The following KCNJ5 variants were observed in gnomAD, a reference collection of about 807,000 sequenced individuals.
KCNJ5 encodes the protein potassium inwardly rectifying channel subfamily J member 5.
In KCNJ5, 12 loss-of-function variants were observed where a neutral mutation model predicts 20.2. That is an observed-to-expected ratio of 0.59 (90% confidence interval 0.38 to 0.96). KCNJ5 has a LOEUF of 0.96. Among genes scored for constraint, KCNJ5 ranks in the 40% least tolerant of loss-of-function variants. The pLI, the probability that KCNJ5 is intolerant of heterozygous loss-of-function variation, is 0.00. For missense variants in KCNJ5, 449 were observed against 557.6 expected (o/e 0.81, Z 1.96); for synonymous variants, 210 against 213.9 (o/e 0.98, Z 0.16).
intron 2 of KCNJ5, among the ~76,000 whole-genome samples, chr11:128,912,579 C>T (rs907550639): frequency 3.3e-5 from 5 of 152,140 alleles, no homozygotes; most frequent in Admixed American, 6.5e-5. Context: ...GGCCCGATCT[C>T]GGCTCACTGC....
In KCNJ5 at chr11:128,918,639, G is replaced by A. The variant is rs1421157569; in HGVS notation, c.*1908G>A. On this transcript the variant is annotated 3_prime_UTR_variant, in exon 3 of 3. Coordinates refer to ENST00000529694, the MANE Select transcript of KCNJ5 (RefSeq NM_000890.5). ...GAGGAGCAGAGCCACAGAGAGGTAG[G>A]AAGTTGAGGCAGAGCAAAGGGAAGG... 1.3e-5 allele frequency: 2 copies of A among 152,432 alleles called. No homozygotes were observed. The highest frequency in any genetic ancestry group is 2.4e-5 in the African/African-American group (1 of 41,478). The allele number at this position is 152,432 out of a possible 1,614,324, so 9.4% of individuals were successfully genotyped here. A position where few individuals can be genotyped will look rare whatever the true frequency, so the allele number is the denominator to read the frequency against.
At chr11:128,904,390 T>C (rs1189146038) in intron 1 of KCNJ5, 1 of 1,612,204 alleles carries the variant, frequency 6.2e-7, no homozygotes, top group Non-Finnish European at 8.5e-7. Context: ...CAGGAACTCC[T>C]TGCGGACAGA....
Position 128,916,679 on chromosome 11 carries a change from A to G in KCNJ5, c.1208A>G (p.Glu403Gly). The G allele has an allele frequency of 6.2e-7, 1 of 1,611,596 alleles. No homozygotes were observed. The highest frequency in any genetic ancestry group is 8.5e-7 in the Non-Finnish European group (1 of 1,179,050). ...GATGCAGAGGCTGAGCAGAATGAAGAAGATGAGCCCAAGGGGCTGGGTGGG... is the reference window on the plus strand; with the variant it reads ...GATGCAGAGGCTGAGCAGAATGAAGGAGATGAGCCCAAGGGGCTGGGTGGG... The part of the protein sequence containing the change: ...GLDAEAEQNE[E>G]DEPKGLGGSR... Residue 403 changes from glutamate (E) to glycine (G), a missense_variant, in exon 3 of 3, where the codon GAA (glutamate) becomes GGA (glycine). Transcript: ENST00000529694.
At chr11:128,909,206 A>G (rs1382426059) in intron 1 of KCNJ5, among the ~76,000 whole-genome samples, 1 of 152,184 alleles carries the variant, frequency 6.6e-6, no homozygotes, top group African/African-American at 2.4e-5. Context: ...GCTGGGATCT[A>G]CCTTGGTTTG....
Sources: allele counts gnomAD v4.1 joint callset (sites outside exome capture counted in the v4.1 genomes callset), GRCh38; gene constraint gnomAD v4.1.1; transcripts MANE v1.5; gene names NCBI Gene and HGNC (gene_info 2026-07-23, HGNC 2026-07-21).